SGCD: variants seen among roughly 807,000 people sequenced by gnomAD.
SGCD encodes sarcoglycan delta.
In SGCD, 18 loss-of-function variants were observed where a neutral mutation model predicts 36.6. The ratio of observed to expected loss-of-function variants is 0.49; its 90% CI spans 0.34 to 0.73. The LOEUF (loss-of-function observed/expected upper bound fraction) is 0.73, where lower values mean the gene tolerates loss of function less well. Ranked by LOEUF, SGCD falls within the 30% of genes least tolerant of loss-of-function variation. The probability of loss-of-function intolerance (pLI) is 0.01; values close to 1 mark genes in which losing one functional copy is unlikely to be tolerated. For missense variants in SGCD, 387 were observed against 346.7 expected (o/e 1.12, Z -0.92); for synonymous variants, 133 against 130.6 (o/e 1.02, Z -0.12).
chr5:156,537,227 C>G (rs1004022512), intron 4 of SGCD, among the ~76,000 whole-genome samples: 1 of 152,022 alleles, frequency 6.6e-6, no homozygotes, highest in African/African-American at 2.4e-5. Context: ...GGACAGTGCT[C>G]TCTCCCCCTT....
At chr5:156,158,736 T>A (rs1436164482) in intron 3 of SGCD, among the ~76,000 whole-genome samples, 1 of 151,574 alleles carries the variant, frequency 6.6e-6, no homozygotes, top group Non-Finnish European at 1.5e-5. Context: ...TGCTCAATTG[T>A]TTTTGAATTT....
chr5:156,653,618 A>G (rs570835537), intron 7 of SGCD, among the ~76,000 whole-genome samples: 2 of 150,096 alleles, frequency 1.3e-5, no homozygotes, highest in African/African-American at 2.4e-5. Context: ...TTATAGGAGT[A>G]TCTCTGACCA....
intron 7 of SGCD, among the ~76,000 whole-genome samples, chr5:156,688,179 C>A (rs1753977404): frequency 6.6e-6 from 1 of 152,052 alleles, no homozygotes; most frequent in Non-Finnish European, 1.5e-5. Flanking sequence ...GCCTAATATC[C>A]TTTAGTTATT....
At chr5:156,335,794 G>GA (rs1768323888) in intron 2 of SGCD, among the ~76,000 whole-genome samples, 2 of 152,156 alleles carry the variant, frequency 1.3e-5, no homozygotes, top group Non-Finnish European at 2.9e-5. Flanking sequence ...AAGCCACAGA[G>GA]AATCCTGTTA....
chr5:156,453,309 AAAGGGAACTATATTAT>A (rs1394739371), intron 3 of SGCD, among the ~76,000 whole-genome samples: 1 of 152,208 alleles, frequency 6.6e-6, no homozygotes, highest in African/African-American at 2.4e-5. Flanking sequence ...TAGAAAACAT[AAAGGGAACTATATTAT>A]AAGGTTCAGT....
the SGCD span, among the ~76,000 whole-genome samples, chr5:155,743,330 T>C: frequency 6.6e-6 from 1 of 152,208 alleles, no homozygotes; most frequent in Non-Finnish European, 1.5e-5. Context: ...TTAGGAGCTC[T>C]GTGTCAGGAA....
intron 1 of SGCD, among the ~76,000 whole-genome samples, chr5:156,040,503 T>C (rs1381346276): frequency 6.6e-6 from 1 of 152,166 alleles, no homozygotes; most frequent in Non-Finnish European, 1.5e-5. Context: ...TGACACGTGT[T>C]TTTATGCTTT....
intron 7 of SGCD, among the ~76,000 whole-genome samples, chr5:156,720,355 G>C (rs551643006): frequency 5.3e-5 from 8 of 152,298 alleles, no homozygotes; most frequent in African/African-American, 1.4e-4. Context: ...GGTCAGGAAC[G>C]ACCTTTCTAA....
chr5:156,584,799 C>T (rs944028034), intron 4 of SGCD, among the ~76,000 whole-genome samples: 4 of 152,314 alleles, frequency 2.6e-5, no homozygotes, highest in African/African-American at 9.6e-5. Context: ...TAGATTATAA[C>T]ATCACTCATG....
intron 3 of SGCD, among the ~76,000 whole-genome samples, chr5:156,394,431 A>C (rs1293718786): frequency 2.0e-5 from 3 of 152,188 alleles, no homozygotes; most frequent in South Asian, 2.1e-4. Flanking sequence ...ATGATGGAGA[A>C]GAGACAATAC....
Position 156,243,840 on chromosome 5 carries a change from C to T in SGCD, c.-43-85694C>T, listed in dbSNP as rs1018514236. On this transcript the variant is annotated intron_variant, in intron 3 of 9. Transcript: ENST00000517913. ...AGAGGCCAGTTCAGAGAAACTTGCACTGAAACAATAATAGCAGCAAAATAA... is the reference window on the plus strand; with the variant it reads ...AGAGGCCAGTTCAGAGAAACTTGCATTGAAACAATAATAGCAGCAAAATAA... 2.0e-5 allele frequency among the ~76,000 whole-genome samples: 3 copies of T among 152,070 alleles called. 1 individual carries two copies. The highest frequency in any genetic ancestry group is 1.3e-4 in the Admixed American group (2 of 15,264).
the SGCD span, among the ~76,000 whole-genome samples, chr5:155,855,790 G>A: frequency 6.6e-6 from 1 of 152,202 alleles, no homozygotes; most frequent in East Asian, 1.9e-4. Context: ...TTGAGGGGAT[G>A]GAACTGGGAG....
chr5:156,757,261 T>TAC (rs1455939352), intron 7 of SGCD, among the ~76,000 whole-genome samples: 4 of 2,260 alleles, frequency 1.8e-3, no homozygotes, highest in Non-Finnish European at 4.2e-3. Context: ...GACTTACTTT[T>TAC]ACAAAAAAAA....
chr5:155,893,684 C>T (rs1756185272), intron 1 of SGCD, among the ~76,000 whole-genome samples: 1 of 152,210 alleles, frequency 6.6e-6, no homozygotes, highest in Non-Finnish European at 1.5e-5. Flanking sequence ...GACAATAGTT[C>T]AGACATCATA....
the SGCD span, among the ~76,000 whole-genome samples, chr5:155,862,401 T>C: frequency 6.6e-6 from 1 of 152,134 alleles, no homozygotes; most frequent in Admixed American, 6.5e-5. Flanking sequence ...TGATCATAGC[T>C]CACTGCAGCC....
At chr5:155,798,705 CA>C in the SGCD span, among the ~76,000 whole-genome samples, 1 of 152,152 alleles carries the variant, frequency 6.6e-6, no homozygotes, top group Non-Finnish European at 1.5e-5. Context: ...ATGCCAAAAA[CA>C]GCAGTGTCAA....
chr5:156,736,749 G>A (rs1240097829), intron 7 of SGCD, among the ~76,000 whole-genome samples: 1 of 152,206 alleles, frequency 6.6e-6, no homozygotes, highest in East Asian at 1.9e-4. Context: ...GAACTCGCGG[G>A]ACCATATGAA....
At chr5:156,056,990 C>T (rs1316948925) in intron 1 of SGCD, among the ~76,000 whole-genome samples, 1 of 146,334 alleles carries the variant, frequency 6.8e-6, no homozygotes, top group Non-Finnish European at 1.5e-5. Context: ...GTTTGAAATA[C>T]TCCATGCAAG....
chr5:156,170,231 A>G (rs529620118), intron 3 of SGCD, among the ~76,000 whole-genome samples: 1 of 152,328 alleles, frequency 6.6e-6, no homozygotes, highest in Admixed American at 6.5e-5. Context: ...GCTGAAGGAA[A>G]ACTAAGTTGC....
Sources: gnomAD v4.1 joint callset for allele counts (sites outside exome capture counted in the v4.1 genomes callset) on GRCh38, gnomAD v4.1.1 for gene constraint, MANE v1.5 for transcripts, NCBI Gene and HGNC (gene_info 2026-07-23, HGNC 2026-07-21) for gene names.